The following SCML2 variants were observed in gnomAD, a reference collection of about 807,000 sequenced individuals.
SCML2 encodes sex comb on midleg-like protein 2.
A neutral mutation model predicts 48.4 loss-of-function variants in SCML2; 6 were observed. The ratio of observed to expected loss-of-function variants is 0.12; its 90% CI spans 0.07 to 0.24. SCML2 has a LOEUF of 0.24. Among genes scored for constraint, SCML2 ranks in the 10% least tolerant of loss-of-function variants. The pLI is 1.00. For missense variants in SCML2, 377 were observed against 528.2 expected (o/e 0.71, Z 2.81); for synonymous variants, 181 against 189.5 (o/e 0.95, Z 0.37).
At chrX:18,274,722 A>G (rs941402608) in intron 7 of SCML2, among the ~76,000 whole-genome samples, 24 of 111,410 alleles carry the variant, frequency 2.2e-4, no homozygotes, top group African/African-American at 7.5e-4. Context: ...TAAAATTCTA[A>G]GCCCCACTCC....
intron 3 of SCML2, among the ~76,000 whole-genome samples, chrX:18,328,156 G>C (rs1292292883): frequency 1.8e-5 from 2 of 110,916 alleles, no homozygotes; most frequent in Admixed American, 1.9e-4. Flanking sequence ...ACATCTTTTT[G>C]TACTGAATAT....
intron 7 of SCML2, among the ~76,000 whole-genome samples, chrX:18,294,878 C>A (rs1007209465): frequency 9.0e-6 from 1 of 111,193 alleles, no homozygotes; most frequent in Admixed American, 9.5e-5. Context: ...CTGACAGCAA[C>A]CTTAATCCCT....
intron 7 of SCML2, among the ~76,000 whole-genome samples, chrX:18,295,120 TGCAGCTCTCCCAA>T (rs1394597929): frequency 9.0e-6 from 1 of 111,499 alleles, no homozygotes; most frequent in East Asian, 2.8e-4. Flanking sequence ...TGTCTGTGGC[TGCAGCTCTCCCAA>T]GCAGCAGTAC....
chrX:18,354,646 G>C lies in SCML2; in HGVS notation c.-79C>G, dbSNP rs1471355069. The C allele has an allele frequency of 1.7e-5, 5 of 289,208 alleles. No homozygotes were observed. The highest frequency in any genetic ancestry group is 3.0e-5 in the Non-Finnish European group (5 of 164,811). The allele number at this position is 289,208 out of a possible 1,213,427, so 23.8% of individuals were successfully genotyped here. ...TTCTGTCCCACCGATCGCGCGAGCC[G>C]GCACCGAGCTTCACACCGCCGCCGC... On this transcript the variant is annotated 5_prime_UTR_variant, in exon 1 of 15. Coordinates refer to ENST00000251900, the MANE Select transcript of SCML2 (RefSeq NM_006089.3).
At chrX:18,345,761 G>C (rs1424515490) in intron 1 of SCML2, among the ~76,000 whole-genome samples, 1 of 108,947 alleles carries the variant, frequency 9.2e-6, no homozygotes, top group African/African-American at 3.4e-5. Flanking sequence ...CTGTTGCCCA[G>C]GCTGGAGTTC....
chrX:18,349,057 G>A (rs944813053), intron 1 of SCML2, among the ~76,000 whole-genome samples: 2 of 112,226 alleles, frequency 1.8e-5, no homozygotes, highest in Admixed American at 1.9e-4. Flanking sequence ...AGAAACAGAG[G>A]TTGCGAAAAA....
chrX:18,286,111 T>G (rs1387618583), intron 7 of SCML2, among the ~76,000 whole-genome samples: 1 of 111,431 alleles, frequency 9.0e-6, no homozygotes, highest in Admixed American at 9.6e-5. Context: ...CAAGAATACA[T>G]GTAGTTTTCA....
At chrX:18,252,037 G>A (rs1036246308) in intron 11 of SCML2, among the ~76,000 whole-genome samples, 1 of 112,444 alleles carries the variant, frequency 8.9e-6, no homozygotes, top group Non-Finnish European at 1.9e-5. Flanking sequence ...ATTTTGGGAG[G>A]CCAAGATGGG....
chrX:18,274,625 T>A (rs771838420), intron 7 of SCML2, among the ~76,000 whole-genome samples: 1 of 111,975 alleles, frequency 8.9e-6, no homozygotes, highest in African/African-American at 3.2e-5. Flanking sequence ...CCCTCTACTA[T>A]CTGCCCTCTG....
At chrX:18,317,602 G>A (rs1253342755) in intron 6 of SCML2, among the ~76,000 whole-genome samples, 1 of 111,340 alleles carries the variant, frequency 9.0e-6, no homozygotes, top group East Asian at 2.8e-4. Flanking sequence ...GGAGGCCGAG[G>A]CGGGCGGATC....
At position 18,257,918 on chromosome X, in the gene SCML2, G is replaced by A. The variant is rs1293577682; in HGVS notation, c.1273+126C>T. 72 of 424,739 alleles carry A rather than the reference G, an allele frequency of 1.7e-4. No individual in the cohort carries two copies. In the East Asian group the frequency reaches 2.9e-3, roughly 17 times the overall value. 35.0% of individuals were successfully genotyped at this position (424,739 alleles called of 1,213,427 possible). The stretch of plus-strand genomic sequence containing the variant: ...GATGAAGGAAGAAAGAAGAAAGGGC[G>A]GGGGAGGGGGAAGGGGAGGGGAAAG... On this transcript the variant is annotated intron_variant, in intron 10 of 14. Transcript: ENST00000251900.
chrX:18,246,853 C>A, intron 12 of SCML2, 25 bp from the exon 13 acceptor site: 1 of 1,170,534 alleles, frequency 8.5e-7, no homozygotes, highest in Non-Finnish European at 1.1e-6. Context: ...ACAAAGGAGG[C>A]TATCTTCAAT....
At position 18,354,654 on chromosome X, in the gene SCML2, G is replaced by C. The variant is rs756068354; in HGVS notation, c.-87C>G. ...CACCGATCGCGCGAGCCGGCACCGAGCTTCACACCGCCGCCGCCATGTTTG... is the reference window on the plus strand; with the variant it reads ...CACCGATCGCGCGAGCCGGCACCGACCTTCACACCGCCGCCGCCATGTTTG... On this transcript the variant is annotated 5_prime_UTR_variant, in exon 1 of 15. Coordinates refer to ENST00000251900, the MANE Select transcript of SCML2 (RefSeq NM_006089.3). The C allele has an allele frequency of 2.0e-3, 574 of 287,239 alleles. 4 individuals are homozygous for C. Among genetic ancestry groups the C allele is most frequent in the African/African-American group, 0.014 (505 of 36,205 alleles). 23.7% of individuals were successfully genotyped at this position (287,239 alleles called of 1,213,427 possible).
At chrX:18,273,925 T>C (rs1207454522) in intron 7 of SCML2, among the ~76,000 whole-genome samples, 3 of 110,307 alleles carry the variant, frequency 2.7e-5, no homozygotes, top group Non-Finnish European at 5.7e-5. Flanking sequence ...CAGGGGAGGA[T>C]TGCCTTCCCA....
At chrX:18,262,082 G>A (rs1313255348) in intron 8 of SCML2, among the ~76,000 whole-genome samples, 1 of 108,091 alleles carries the variant, frequency 9.3e-6, no homozygotes, top group African/African-American at 3.5e-5. Flanking sequence ...GAAACAAAAT[G>A]GAAATGTTAT....
chrX:18,296,820 A>G (rs1928410291), intron 7 of SCML2, among the ~76,000 whole-genome samples: 1 of 111,476 alleles, frequency 9.0e-6, no homozygotes, highest in African/African-American at 3.3e-5. Context: ...ATTCTACCAA[A>G]CTTATAAAGA....
intron 1 of SCML2, among the ~76,000 whole-genome samples, chrX:18,347,854 G>T (rs1250375672): frequency 1.8e-5 from 2 of 109,169 alleles, no homozygotes; most frequent in Non-Finnish European, 3.8e-5. Flanking sequence ...GGAAATTAAG[G>T]TTTCTAAAGG....
At chrX:18,321,023 T>C (rs924703631) in intron 5 of SCML2, among the ~76,000 whole-genome samples, 1 of 111,296 alleles carries the variant, frequency 9.0e-6, no homozygotes, top group African/African-American at 3.3e-5. Context: ...GATGAATAAA[T>C]AGAAGGGCAG....
intron 10 of SCML2, among the ~76,000 whole-genome samples, chrX:18,257,616 G>A (rs1024306913): frequency 4.5e-5 from 5 of 109,989 alleles, no homozygotes; most frequent in Non-Finnish European, 9.5e-5. Flanking sequence ...GGCTAGGTGC[G>A]GTGGCTCACA....
Sources: allele counts gnomAD v4.1 joint callset (sites outside exome capture counted in the v4.1 genomes callset), GRCh38; gene constraint gnomAD v4.1.1; transcripts MANE v1.5; gene names NCBI Gene and HGNC (gene_info 2026-07-23, HGNC 2026-07-21).